Variants in SYNE1 observed in about 807,000 individuals in gnomAD.
SYNE1 encodes the protein nesprin-1.
SYNE1 carries 616 observed loss-of-function variants against 1,111.0 expected under a neutral mutation model. The observed-to-expected ratio is 0.55, with a 90% confidence interval of 0.52 to 0.59. SYNE1 has a LOEUF of 0.59. Ranked by LOEUF, SYNE1 falls within the 20% of genes least tolerant of loss-of-function variation. The pLI is 0.00. For missense variants in SYNE1, 10,006 were observed against 10,417.0 expected (o/e 0.96, Z 1.72); for synonymous variants, 3,855 against 3,825.8 (o/e 1.01, Z -0.28).
intron 126 of SYNE1, among the ~76,000 whole-genome samples, chr6:152,203,692 G>A (rs2075963806): frequency 2.0e-5 from 3 of 152,152 alleles, no homozygotes; most frequent in African/African-American, 2.4e-5. Flanking sequence ...TCTGGAAGCA[G>A]TGTTGACTAA....
At chr6:152,629,535 G>A (rs13204824) in intron 2 of SYNE1, among the ~76,000 whole-genome samples, 10 of 88,286 alleles carry the variant, frequency 1.1e-4, no homozygotes, top group Non-Finnish European at 2.2e-4. Context: ...GGGGGGGGGG[G>A]GGAGGGGGAG....
At chr6:152,171,197 T>C (rs2065121298) in intron 130 of SYNE1, among the ~76,000 whole-genome samples, 1 of 152,238 alleles carries the variant, frequency 6.6e-6, no homozygotes, top group Non-Finnish European at 1.5e-5. Flanking sequence ...CTAGCTACTA[T>C]TATGATTCTC....
At chr6:152,595,278 A>G (rs1161022936) in intron 3 of SYNE1, among the ~76,000 whole-genome samples, 2 of 152,212 alleles carry the variant, frequency 1.3e-5, no homozygotes, top group African/African-American at 4.8e-5. Context: ...CCTGTTCAAT[A>G]AAACTGATTT....
At chr6:152,123,679 A>C (rs896266594) in intron 145 of SYNE1, among the ~76,000 whole-genome samples, 13 of 152,268 alleles carry the variant, frequency 8.5e-5, no homozygotes, top group Non-Finnish European at 1.8e-4. Context: ...ACTCAGACCC[A>C]TACAACATTG....
At chr6:152,167,616 C>T in intron 130 of SYNE1, 1 of 415,508 alleles carries the variant, frequency 2.4e-6, no homozygotes, top group Non-Finnish European at 4.9e-6. Context: ...TACTGACAAG[C>T]ACAAACAAAA....
At chr6:152,472,650 A>G (rs924872285) in intron 14 of SYNE1, 1 of 702,600 alleles carries the variant, frequency 1.4e-6, no homozygotes, top group East Asian at 2.7e-5. Context: ...TTAAACACAC[A>G]TGACACTTGC....
chr6:152,187,333 C>T (rs1463179686), intron 128 of SYNE1, among the ~76,000 whole-genome samples: 1 of 152,076 alleles, frequency 6.6e-6, no homozygotes, highest in Admixed American at 6.6e-5. Flanking sequence ...TTGTTGATAT[C>T]ACATCAATCA....
chr6:152,435,329 A>C (rs929899691), intron 33 of SYNE1: 5 of 151,544 alleles, frequency 3.3e-5, no homozygotes, highest in Non-Finnish European at 4.4e-5. Flanking sequence ...TTCCCCTCCA[A>C]ACTTTTTTGT....
At chr6:152,285,026 G>A (rs2094249831) in intron 95 of SYNE1, among the ~76,000 whole-genome samples, 2 of 152,106 alleles carry the variant, frequency 1.3e-5, no homozygotes, top group Admixed American at 1.3e-4. Context: ...CTAATCCTGA[G>A]CACTTCCAAA....
chr6:152,330,021 G>A lies in SYNE1; in HGVS notation c.14664C>T (p.Asp4888=), dbSNP rs759085644. ...GGGAGCGACTCATCTCAGTCTGGAA[G>A]TCTATACTCTGCACCATTCGGCTCT... is the stretch of plus-strand genomic sequence containing the variant. ...ECESRMVQSI[D]FQTEMSRSLD... is the part of the protein sequence containing the mutation. The change falls in exon 78 of 146, where the codon GAC becomes GAT. Residue 4888 remains aspartate (D), a synonymous_variant. Coordinates refer to ENST00000367255, the MANE Select transcript of SYNE1 (RefSeq NM_182961.4). The A allele has an allele frequency of 8.7e-6, 14 of 1,614,152 alleles. No individual in the cohort carries two copies. The highest frequency in any genetic ancestry group is 1.0e-5 in the Non-Finnish European group (12 of 1,180,038).
chr6:152,395,482 G>A (rs1294448655), intron 51 of SYNE1, 34 bp downstream of exon 51: 2 of 1,598,716 alleles, frequency 1.3e-6, no homozygotes, highest in Non-Finnish European at 1.7e-6. Context: ...AACATGGTAA[G>A]AGGTAAAGGA....
At chr6:152,328,777 G>A (rs2096161613) in intron 78 of SYNE1, among the ~76,000 whole-genome samples, 1 of 152,108 alleles carries the variant, frequency 6.6e-6, no homozygotes, top group South Asian at 2.1e-4. Flanking sequence ...GGCCAATCTG[G>A]GAAGTTTTGT....
At chr6:152,599,916 T>C (rs960163948) in intron 3 of SYNE1, among the ~76,000 whole-genome samples, 7 of 152,154 alleles carry the variant, frequency 4.6e-5, no homozygotes, top group African/African-American at 1.7e-4. Flanking sequence ...AGGTGAAATG[T>C]AGAAGATGAG....
rs112352358 is a variant in SYNE1 at position 152,577,399 on chromosome 6, G to A, written c.68-37378C>T. 2.0e-4 allele frequency among the ~76,000 whole-genome samples: 30 copies of A among 152,300 alleles called. 1 individual carries two copies. Among genetic ancestry groups the A allele is most frequent in the Middle Eastern group, 3.4e-3 (1 of 294 alleles). On this transcript the variant is annotated intron_variant, in intron 3 of 145. Coordinates refer to ENST00000367255, the MANE Select transcript of SYNE1 (RefSeq NM_182961.4). ...TGTAATCCCAGCACTTGGGGAGGCC[G>A]AGGCGGGTGGATCACAAGGTCAGGA...
intron 144 of SYNE1, among the ~76,000 whole-genome samples, chr6:152,131,792 G>A (rs558951193): frequency 6.6e-6 from 1 of 152,290 alleles, no homozygotes; most frequent in East Asian, 1.9e-4. Context: ...TAAGATAGTC[G>A]TGGCAGCCAT....
At chr6:152,345,108 T>C (rs1054398551) in intron 73 of SYNE1, among the ~76,000 whole-genome samples, 2 of 152,342 alleles carry the variant, frequency 1.3e-5, no homozygotes, top group East Asian at 3.9e-4. Context: ...TTTAAAAGAA[T>C]GGTGTTTTGT....
chr6:152,611,648 T>G (rs1259734316), intron 3 of SYNE1, among the ~76,000 whole-genome samples: 5 of 152,282 alleles, frequency 3.3e-5, no homozygotes, highest in South Asian at 2.1e-4. Flanking sequence ...CAAGGAGACC[T>G]AATAGACATC....
intron 30 of SYNE1, 82 bp from the exon 31 acceptor site, chr6:152,442,327 G>T (rs1485580213): frequency 1.5e-5 from 24 of 1,552,788 alleles, no homozygotes; most frequent in Non-Finnish European, 1.9e-5. Context: ...ACGCTTAACA[G>T]AAGTACAGAA....
At chr6:152,520,296 C>T (rs1056148535) in intron 6 of SYNE1, among the ~76,000 whole-genome samples, 163 bp downstream of exon 6, 12 of 152,112 alleles carry the variant, frequency 7.9e-5, no homozygotes, top group Admixed American at 6.6e-5. Flanking sequence ...TTTGCAACTT[C>T]TCCATAAATC....
Sources: gnomAD v4.1 joint callset for allele counts (sites outside exome capture counted in the v4.1 genomes callset) on GRCh38, gnomAD v4.1.1 for gene constraint, MANE v1.5 for transcripts, NCBI Gene and HGNC (gene_info 2026-07-23, HGNC 2026-07-21) for gene names.